NTAQ1: variants seen among roughly 807,000 people sequenced by gnomAD.
The protein encoded by NTAQ1 is protein N-terminal glutamine amidohydrolase.
In NTAQ1, 21 loss-of-function variants were observed where a neutral mutation model predicts 28.2. The observed-to-expected ratio is 0.74, with a 90% CI of 0.53 to 1.07. The LOEUF (loss-of-function observed/expected upper bound fraction) is 1.07. Among genes scored for constraint, NTAQ1 ranks in the 50% least tolerant of loss-of-function variants. The pLI is 0.00. For missense variants in NTAQ1, 264 were observed against 256.6 expected (o/e 1.03, Z -0.20); for synonymous variants, 105 against 90.0 (o/e 1.17, Z -0.94).
At chr8:123,449,578 A>G (rs749300040), downstream of NTAQ1, among the ~76,000 whole-genome samples, 5 of 152,024 alleles carry the variant, frequency 3.3e-5, no homozygotes, top group East Asian at 1.9e-4. Flanking sequence ...GCTCATGGAT[A>G]TTACATTCTT....
At chr8:123,472,782 A>G (rs977495118), downstream of NTAQ1, among the ~76,000 whole-genome samples, 2 of 152,170 alleles carry the variant, frequency 1.3e-5, no homozygotes, top group African/African-American at 4.8e-5. Flanking sequence ...AACCCCCTAT[A>G]CTAAAACTCT....
downstream of NTAQ1, among the ~76,000 whole-genome samples, chr8:123,446,607 C>T (rs1815295987): frequency 6.6e-6 from 1 of 152,102 alleles, no homozygotes; most frequent in African/African-American, 2.4e-5. Context: ...AAAACCACTC[C>T]AACTGTGTCT....
chr8:123,423,233 C>T (rs1813821772), intron 1 of NTAQ1, among the ~76,000 whole-genome samples: 1 of 136,062 alleles, frequency 7.3e-6, no homozygotes, highest in Non-Finnish European at 1.5e-5. Context: ...CCTTCCCTCT[C>T]TCCCTCCTTC....
intron 1 of NTAQ1, among the ~76,000 whole-genome samples, chr8:123,427,492 A>T (rs1165696301): frequency 6.6e-6 from 1 of 151,442 alleles, no homozygotes; most frequent in Admixed American, 6.6e-5. Flanking sequence ...CTGGTCTCGA[A>T]CTCCTGACCT....
chr8:123,462,060 T>G (rs1356011185), intron 6 of NTAQ1, among the ~76,000 whole-genome samples: 1 of 152,176 alleles, frequency 6.6e-6, no homozygotes, highest in African/African-American at 2.4e-5. Flanking sequence ...TTTAAAAATT[T>G]TTTTTAAGAC....
At position 123,441,665 on chromosome 8, in the gene NTAQ1, CA is replaced by C; in HGVS notation, c.*251del. The C allele has an allele frequency of 2.1e-6, 1 of 476,192 alleles. No homozygotes were observed. Among genetic ancestry groups the C allele is most frequent in the South Asian group, 2.8e-5 (1 of 36,126 alleles). 29.5% of individuals were successfully genotyped at this position (476,192 alleles called of 1,614,324 possible). On this transcript the variant is annotated 3_prime_UTR_variant, in exon 6 of 6. Transcript: ENST00000287387. ...TATTCCTGTGGCTCATGCGTTACAACACGAGGACTTAAGCCAGTAATCGTTT... is the reference window on the plus strand; with the variant it reads ...TATTCCTGTGGCTCATGCGTTACAACCGAGGACTTAAGCCAGTAATCGTTT...
chr8:123,444,183 A>G (rs185074867), downstream of NTAQ1, among the ~76,000 whole-genome samples: 206 of 152,194 alleles, frequency 1.4e-3, 2 homozygotes, highest in African/African-American at 4.7e-3. Context: ...GCAGGGGACT[A>G]AAGTAGAATT....
intron 3 of NTAQ1, among the ~76,000 whole-genome samples, chr8:123,434,277 A>C (rs1814570055): frequency 6.6e-6 from 1 of 152,084 alleles, no homozygotes. Context: ...TCATCTTTGC[A>C]TCTGCAGTTC....
At chr8:123,472,337 A>G (rs758324382), downstream of NTAQ1, among the ~76,000 whole-genome samples, 2 of 152,108 alleles carry the variant, frequency 1.3e-5, no homozygotes, top group Non-Finnish European at 2.9e-5. Flanking sequence ...CCATTTGCTT[A>G]CTTTATTTTC....
chr8:123,432,788 C>A (rs1814476006), intron 3 of NTAQ1, among the ~76,000 whole-genome samples: 1 of 151,276 alleles, frequency 6.6e-6, no homozygotes, highest in African/African-American at 2.4e-5. Flanking sequence ...TTAAGCAATT[C>A]CTCTGCCTCA....
intron 5 of NTAQ1, 84 bp downstream of exon 5, chr8:123,437,418 G>A (rs997292539): frequency 6.4e-7 from 1 of 1,562,392 alleles, no homozygotes; most frequent in Non-Finnish European, 8.7e-7. Context: ...ACAAAAGTCA[G>A]GTTGTTCTTT....
intron 3 of NTAQ1, chr8:123,435,503 C>T (rs1426651126): frequency 1.0e-6 from 1 of 985,444 alleles, no homozygotes; most frequent in Non-Finnish European, 1.2e-6. Flanking sequence ...ACGTTTTCCT[C>T]TGCATTCACA....
At chr8:123,465,095 AAACCCTTTTATTTTG>A (rs1207637030) in intron 6 of NTAQ1, among the ~76,000 whole-genome samples, 3 of 152,168 alleles carry the variant, frequency 2.0e-5, no homozygotes, top group Non-Finnish European at 4.4e-5. Context: ...GCCATTTTTA[AAACCCTTTTATTTTG>A]AACGAATTTA....
rs376697628 is a variant in NTAQ1 at position 123,436,512 on chromosome 8, C to G, written c.294C>G (p.Leu98=). ...GAGGACAGAACTTCATTTATGATCT[C>G]GATACTGTCTTGCCATTTCCCTGCC... ...SSGGQNFIYD[L]DTVLPFPCLF... Residue 98 remains leucine (L), a synonymous_variant, in exon 4 of 6, where the codon CTC becomes CTG. Transcript: ENST00000287387. The G allele has an allele frequency of 1.2e-6, 2 of 1,613,938 alleles. No homozygotes were observed. The highest frequency in any genetic ancestry group is 1.7e-6 in the Non-Finnish European group (2 of 1,179,916).
intron 6 of NTAQ1, among the ~76,000 whole-genome samples, chr8:123,447,372 G>A (rs1815330937): frequency 6.6e-6 from 1 of 152,018 alleles, no homozygotes; most frequent in Non-Finnish European, 1.5e-5. Context: ...CAATGTGATG[G>A]ATAAATCTAA....
At chr8:123,443,326 G>A (rs1016989719), downstream of NTAQ1, among the ~76,000 whole-genome samples, 2 of 152,120 alleles carry the variant, frequency 1.3e-5, no homozygotes, top group African/African-American at 2.4e-5. Context: ...GGCCAAATTT[G>A]CATGTTATTA....
At chr8:123,427,578 G>T (rs13269269) in intron 1 of NTAQ1, among the ~76,000 whole-genome samples, 55,047 of 151,862 alleles carry the variant, frequency 0.36, 10,091 homozygotes, top group East Asian at 0.56. Context: ...TTTGTCAAAG[G>T]TTCTTACCTT....
At chr8:123,432,583 C>T (rs543544880) in intron 3 of NTAQ1, among the ~76,000 whole-genome samples, 3 of 151,120 alleles carry the variant, frequency 2.0e-5, no homozygotes, top group Admixed American at 6.6e-5. Context: ...CACAGTGAGC[C>T]GAGATCATAC....
chr8:123,470,425 G>A (rs1272663970), downstream of NTAQ1, among the ~76,000 whole-genome samples: 2 of 152,200 alleles, frequency 1.3e-5, no homozygotes, highest in Non-Finnish European at 2.9e-5. Flanking sequence ...AGAATAAAAG[G>A]GATGAGGCCC....
Sources: gnomAD v4.1 joint callset for allele counts (sites outside exome capture counted in the v4.1 genomes callset) on GRCh38, gnomAD v4.1.1 for gene constraint, MANE v1.5 for transcripts, NCBI Gene and HGNC (gene_info 2026-07-23, HGNC 2026-07-21) for gene names.